RNF216: variants seen among roughly 807,000 people sequenced by gnomAD.
RNF216 encodes ring finger protein 216, also known as E3 ubiquitin-protein ligase RNF216.
In RNF216, 72 loss-of-function variants were observed where a neutral mutation model predicts 110.8. The ratio of observed to expected loss-of-function variants is 0.65; its 90% CI spans 0.54 to 0.79. The LOEUF (loss-of-function observed/expected upper bound fraction) is 0.79, where lower values mean the gene tolerates loss of function less well. Ranked by LOEUF, RNF216 falls within the 30% of genes least tolerant of loss-of-function variation. The pLI is 0.00. For synonymous variants in RNF216, 495 were observed against 407.5 expected (o/e 1.21, Z -2.59); for missense variants, 1,342 against 1,141.2 (o/e 1.18, Z -2.54).
chr7:5,715,149 A>T lies in RNF216; in HGVS notation c.1737T>A (p.Phe579Leu). The T allele has an allele frequency of 6.2e-7, 1 of 1,613,888 alleles. No individual in the cohort carries two copies. Among genetic ancestry groups the T allele is most frequent in the South Asian group, 1.1e-5 (1 of 91,084 alleles). ...CGCACTGCGTCAGCTCCTCGAATGGAAATTCCCCATAGCAGCAGCGACACT... is the reference window on the plus strand; with the variant it reads ...CGCACTGCGTCAGCTCCTCGAATGGTAATTCCCCATAGCAGCAGCGACACT... ...LIECRCCYGE[F>L]PFEELTQCAD... The change falls in exon 11 of 17, where the codon TTT becomes TTA. Residue 579 changes from phenylalanine (F) to leucine (L), a missense_variant. Physicochemically the swap from Phe to Leu is conservative, Grantham distance 22 (BLOSUM62 0). Transcript: ENST00000389902.
intron 1 of RNF216, chr7:5,780,151 T>C (rs1032591770): frequency 6.6e-6 from 1 of 152,140 alleles, no homozygotes; most frequent in Admixed American, 6.5e-5. Context: ...TTGAAAACAA[T>C]ACATGGCATT....
intron 1 of RNF216, among the ~76,000 whole-genome samples, chr7:5,767,965 T>C (rs1270683748): frequency 1.3e-5 from 2 of 152,080 alleles, no homozygotes; most frequent in Non-Finnish European, 2.9e-5. Flanking sequence ...TGAGCTTTCA[T>C]CTAAGATCCT....
intron 2 of RNF216, among the ~76,000 whole-genome samples, chr7:5,759,877 C>T (rs1179791635): frequency 1.3e-5 from 2 of 151,972 alleles, no homozygotes; most frequent in Admixed American, 6.6e-5. Context: ...GTGATCCACC[C>T]GCCTCGGTCT....
At position 5,781,158 on chromosome 7, in the gene RNF216, A is replaced by C. The variant is rs912576825; in HGVS notation, c.-70+383T>G. On this transcript the variant is annotated intron_variant, in intron 1 of 16. Transcript: ENST00000389902. ...ACGGCCCGCCTCCCGCCGCTCCTCC[A>C]GGCCGCGCTCGGGTGCACGGACACC... Among the ~76,000 whole-genome samples the C allele has an allele frequency of 6.6e-5, 10 of 151,732 alleles. No individual in the cohort carries two copies. In the East Asian group the frequency reaches 2.0e-3, roughly 30 times the overall value.
chr7:5,677,893 T>C (rs1790406163), intron 13 of RNF216, among the ~76,000 whole-genome samples: 1 of 152,222 alleles, frequency 6.6e-6, no homozygotes, highest in Middle Eastern at 3.2e-3. Flanking sequence ...TTTGCTCTCT[T>C]CCAGGTTCCT....
At chr7:5,657,268 C>CA (rs1278951880) in intron 13 of RNF216, among the ~76,000 whole-genome samples, 1 of 152,150 alleles carries the variant, frequency 6.6e-6, no homozygotes, top group Non-Finnish European at 1.5e-5. Context: ...TCTGTCACCT[C>CA]AAAAAATGGT....
intron 13 of RNF216, among the ~76,000 whole-genome samples, chr7:5,689,362 T>TAAAAAAAAAA (rs72421808): frequency 7.8e-6 from 1 of 127,476 alleles, no homozygotes. Context: ...TTTGTAGTAT[T>TAAAAAAAAAA]AAAAAAAAAA....
intron 13 of RNF216, among the ~76,000 whole-genome samples, chr7:5,693,430 AC>A (rs1286677115): frequency 6.6e-6 from 1 of 152,164 alleles, no homozygotes; most frequent in African/African-American, 2.4e-5. Context: ...ACCAAAATGT[AC>A]TGAAATTGTT....
intron 14 of RNF216, among the ~76,000 whole-genome samples, chr7:5,643,537 T>C (rs1787870118): frequency 6.6e-6 from 1 of 151,994 alleles, no homozygotes; most frequent in South Asian, 2.1e-4. Context: ...TAGTTATCTG[T>C]GCTCACCACC....
At chr7:5,755,359 TAAA>T (rs201704800) in intron 2 of RNF216, among the ~76,000 whole-genome samples, 1 of 151,364 alleles carries the variant, frequency 6.6e-6, no homozygotes, top group African/African-American at 2.4e-5. Context: ...AAAGTATACT[TAAA>T]AAAAAATTGA....
intron 13 of RNF216, among the ~76,000 whole-genome samples, chr7:5,685,580 C>T (rs1433868608): frequency 6.6e-6 from 1 of 152,156 alleles, no homozygotes; most frequent in African/African-American, 2.4e-5. Context: ...CCTCAGCAAA[C>T]TGAAAAGACA....
chr7:5,712,188 T>C (rs1484348325), intron 12 of RNF216, among the ~76,000 whole-genome samples: 1 of 152,212 alleles, frequency 6.6e-6, no homozygotes, highest in Non-Finnish European at 1.5e-5. Flanking sequence ...AGACAGAAGT[T>C]TGAGCTACAG....
chr7:5,681,817 G>C (rs852394), intron 13 of RNF216, among the ~76,000 whole-genome samples: 1 of 152,022 alleles, frequency 6.6e-6, no homozygotes. Flanking sequence ...CTACATAAAC[G>C]GGAAACACCC....
intron 13 of RNF216, among the ~76,000 whole-genome samples, chr7:5,664,710 C>T (rs1368267808): frequency 1.4e-4 from 22 of 152,236 alleles, no homozygotes; most frequent in Non-Finnish European, 1.5e-5. Flanking sequence ...ACGCTTCCCC[C>T]ACTGGCCAGC....
chr7:5,732,221 T>C (rs1340013559), intron 5 of RNF216, among the ~76,000 whole-genome samples: 1 of 152,170 alleles, frequency 6.6e-6, no homozygotes, highest in African/African-American at 2.4e-5. Flanking sequence ...TGCACTGAGG[T>C]TATGCAAACC....
chr7:5,644,007 A>G (rs1282647562), intron 14 of RNF216, among the ~76,000 whole-genome samples: 1 of 152,208 alleles, frequency 6.6e-6, no homozygotes, highest in Non-Finnish European at 1.5e-5. Context: ...CCTATGTTGT[A>G]GCATGTATCG....
rs563460626 is a variant in RNF216 at position 5,680,590 on chromosome 7, G to A, written c.2062-28080C>T. 1 of 152,362 alleles carries A rather than the reference G, an allele frequency of 6.6e-6. No homozygotes were observed. The highest frequency in any genetic ancestry group is 1.9e-4 in the East Asian group (1 of 5,172). 9.4% of individuals were successfully genotyped at this position (152,362 alleles called of 1,614,324 possible). A position where few individuals can be genotyped will look rare whatever the true frequency, so the allele number is the denominator to read the frequency against. ...CTAATTTTTTTTGTATTTTACTAGA[G>A]ACGGGGTTTCACCATGTTGGCCAGG... On this transcript the variant is annotated intron_variant, in intron 13 of 16. Transcript: ENST00000389902. The surrounding 1 kb of genome is among the most constrained non-coding windows in gnomAD (Gnocchi z 4.3).
At position 5,709,110 on chromosome 7, in the gene RNF216, G is replaced by C. The variant is rs1792493831; in HGVS notation, c.2061+2651C>G. Among the ~76,000 whole-genome samples, 3 of 152,118 alleles carry C rather than the reference G, an allele frequency of 2.0e-5. No homozygotes were observed. The South Asian group carries it at 6.2e-4, about 31-fold the overall frequency. The stretch of plus-strand genomic sequence containing the variant: ...CATGCTCCAACTCCTTCCCTCCCGA[G>C]AAGAGCAGGGAGAGGGCAATGAGGA... On this transcript the variant is annotated intron_variant, in intron 13 of 16. Coordinates refer to ENST00000389902, the MANE Select transcript of RNF216 (RefSeq NM_207111.4).
chr7:5,629,725 G>A (rs751354534), intron 15 of RNF216, among the ~76,000 whole-genome samples: 1 of 151,076 alleles, frequency 6.6e-6, no homozygotes, highest in Non-Finnish European at 1.5e-5. Context: ...TACTCGGGAG[G>A]CTGAGGCAGG....
Sources: allele counts gnomAD v4.1 joint callset (sites outside exome capture counted in the v4.1 genomes callset), GRCh38; gene constraint gnomAD v4.1.1; non-coding constraint Gnocchi (gnomAD v3.1); transcripts MANE v1.5; gene names NCBI Gene and HGNC (gene_info 2026-07-23, HGNC 2026-07-21).